Variants in SLC35F3 observed in about 807,000 individuals in gnomAD.
SLC35F3 encodes the protein solute carrier family 35 member F3.
A neutral mutation model predicts 49.9 loss-of-function variants in SLC35F3; 25 were observed. That is an observed-to-expected ratio of 0.50 (90% confidence interval 0.37 to 0.70). The LOEUF is 0.70. Ranked by LOEUF, SLC35F3 falls within the 30% of genes least tolerant of loss-of-function variation. The pLI is 0.00. For missense variants in SLC35F3, 525 were observed against 639.8 expected (o/e 0.82, Z 1.94); for synonymous variants, 275 against 265.4 (o/e 1.04, Z -0.35).
intron 2 of SLC35F3, among the ~76,000 whole-genome samples, chr1:234,163,222 G>A (rs1666257146): frequency 6.6e-6 from 1 of 152,160 alleles, no homozygotes; most frequent in African/African-American, 2.4e-5. Flanking sequence ...ATTTCCGCAA[G>A]GTACATCATA....
intron 2 of SLC35F3, among the ~76,000 whole-genome samples, chr1:234,229,733 TC>T (rs1418187421): frequency 2.6e-5 from 4 of 152,198 alleles, no homozygotes; most frequent in African/African-American, 9.7e-5. Context: ...CCTCCAACAC[TC>T]CTTGCAAATT....
chr1:233,905,226 G>A, intron 1 of SLC35F3, 96 bp downstream of exon 1: 4 of 1,364,510 alleles, frequency 2.9e-6, no homozygotes, highest in Non-Finnish European at 4.0e-6. Flanking sequence ...GCAGTCTGAG[G>A]CTCGGGGAAG....
At chr1:234,186,784 C>T (rs1235143017) in intron 2 of SLC35F3, among the ~76,000 whole-genome samples, 1 of 152,198 alleles carries the variant, frequency 6.6e-6, no homozygotes, top group African/African-American at 2.4e-5. Flanking sequence ...AACCTCACAG[C>T]AACCTGCAGG....
chr1:233,929,230 C>T (rs1662205579), intron 2 of SLC35F3, among the ~76,000 whole-genome samples: 1 of 152,134 alleles, frequency 6.6e-6, no homozygotes, highest in South Asian at 2.1e-4. Context: ...TTTGGGGCTG[C>T]CAATTCCGTT....
At chr1:233,924,093 G>C (rs1404855223) in intron 2 of SLC35F3, among the ~76,000 whole-genome samples, 1 of 152,180 alleles carries the variant, frequency 6.6e-6, no homozygotes, top group African/African-American at 2.4e-5. Flanking sequence ...AGGAATATTG[G>C]TCTAAAATTA....
intron 3 of SLC35F3, among the ~76,000 whole-genome samples, chr1:234,248,468 T>C (rs1027601409): frequency 6.6e-6 from 1 of 151,732 alleles, no homozygotes; most frequent in Non-Finnish European, 1.5e-5. Context: ...GATGGGTCAG[T>C]TGGCTGGTGC....
intron 2 of SLC35F3, among the ~76,000 whole-genome samples, chr1:234,124,815 C>G (rs948379685): frequency 6.6e-6 from 1 of 152,102 alleles, no homozygotes; most frequent in Non-Finnish European, 1.5e-5. Flanking sequence ...TTTCAGGGAG[C>G]TATGAGCAAC....
chr1:234,245,716 C>T lies in SLC35F3; in HGVS notation c.608+13975C>T, dbSNP rs371886954. Among the ~76,000 whole-genome samples the T allele has an allele frequency of 4.5e-4, 69 of 152,294 alleles. 3 individuals carry two copies. In the South Asian group the frequency reaches 0.014, roughly 32 times the overall value. On this transcript the variant is annotated intron_variant, in intron 3 of 7. Coordinates refer to ENST00000366618, the MANE Select transcript of SLC35F3 (RefSeq NM_173508.4). ...TTCCTCCAATGTCTGGAAGTTGATG[C>T]TGGTTGTCATGGGCCACCTAAGCTG...
At chr1:234,303,267 C>T (rs1668721328) in intron 3 of SLC35F3, among the ~76,000 whole-genome samples, 1 of 152,166 alleles carries the variant, frequency 6.6e-6, no homozygotes, top group Non-Finnish European at 1.5e-5. Flanking sequence ...TCTTGATTTC[C>T]ATGTAATGAT....
chr1:233,911,411 G>T (rs1440062326), intron 2 of SLC35F3, among the ~76,000 whole-genome samples: 4 of 152,316 alleles, frequency 2.6e-5, no homozygotes, highest in African/African-American at 7.2e-5. Flanking sequence ...AAAGAAAAGA[G>T]TTAGAGGGCT....
intron 2 of SLC35F3, among the ~76,000 whole-genome samples, chr1:233,921,819 C>T (rs1244896212): frequency 6.7e-6 from 1 of 148,610 alleles, no homozygotes; most frequent in African/African-American, 2.5e-5. Context: ...CAACAGGCCC[C>T]AGTGTGTGAT....
intron 2 of SLC35F3, among the ~76,000 whole-genome samples, chr1:234,137,946 G>C (rs1364875916): frequency 1.3e-5 from 2 of 152,198 alleles, no homozygotes; most frequent in African/African-American, 4.8e-5. Flanking sequence ...GAGTGGGGCA[G>C]AGGGTGGTGA....
intron 2 of SLC35F3, chr1:234,213,490 TG>T (rs1428841496): frequency 6.6e-6 from 1 of 152,256 alleles, no homozygotes; most frequent in Non-Finnish European, 1.5e-5. Context: ...TGCACTGTCA[TG>T]GGATAAATGC....
chr1:234,082,359 A>T lies in SLC35F3; in HGVS notation c.284-149058A>T, dbSNP rs141209947. On this transcript the variant is annotated intron_variant, in intron 2 of 7. Transcript: ENST00000366618. ...TGCATTATTTGATTTCACAAATTCA[A>T]TTCGCTGCCTGCCTGAAGCTAACTG... 3.3e-4 allele frequency among the ~76,000 whole-genome samples: 50 copies of T among 152,336 alleles called. No individual in the cohort carries two copies. The East Asian group carries it at 9.5e-3, about 29-fold the overall frequency.
At position 234,121,437 on chromosome 1, in the gene SLC35F3, C is replaced by T. The variant is rs569091936; in HGVS notation, c.284-109980C>T. Among the ~76,000 whole-genome samples the T allele has an allele frequency of 1.9e-4, 29 of 151,544 alleles. No individual in the cohort carries two copies. The East Asian group carries it at 2.1e-3, about 11-fold the overall frequency. On this transcript the variant is annotated intron_variant, in intron 2 of 7. Coordinates refer to ENST00000366618, the MANE Select transcript of SLC35F3 (RefSeq NM_173508.4). ...ACAGGCATGAGCCACCACGCCCAGC[C>T]GAAAAATTACTTTCTTAATGCAGAG...
At position 234,231,497 on chromosome 1, in the gene SLC35F3, C is replaced by T. The variant is rs780024830; in HGVS notation, c.364C>T (p.Arg122Cys). Residue 122 changes from arginine (R) to cysteine (C), a missense_variant, in exon 3 of 8, where the codon CGC becomes TGC. Around this residue, in one of 4 missense-constraint regions of SLC35F3, gnomAD observed 228 missense variants for 218.9 expected, o/e 1.04. Transcript: ENST00000366618. The surrounding 1 kb of genome is among the most constrained non-coding windows in gnomAD (Gnocchi z 5.4). ...AGVEAGGRASRRCWTCSRAQL... is the reference protein window; with the variant it reads ...AGVEAGGRASCRCWTCSRAQL... ...GGTGGAGGCCGGCGGGAGAGCGAGT[C>T]GCCGCTGCTGGACGTGCTCCCGGGC... The T allele has an allele frequency of 2.5e-6, 4 of 1,612,948 alleles. No individual in the cohort carries two copies. Among genetic ancestry groups the T allele is most frequent in the Non-Finnish European group, 3.4e-6 (4 of 1,179,508 alleles).
intron 5 of SLC35F3, 101 bp from the exon 6 acceptor site, chr1:234,318,650 G>A (rs2102998283): frequency 1.0e-6 from 1 of 998,760 alleles, no homozygotes; most frequent in East Asian, 2.5e-5. Flanking sequence ...TTTCCATCCT[G>A]CAGTGCAAAC....
rs1488681231 is a variant in SLC35F3 at position 234,277,967 on chromosome 1, G to T, written c.609-31134G>T. ...TCAGTTGTTTGGGAAGCTGAGGAGG[G>T]AAGATGGCTTAAGCCAAGGAGTATA... On this transcript the variant is annotated intron_variant, in intron 3 of 7. Transcript: ENST00000366618. Among the ~76,000 whole-genome samples the T allele has an allele frequency of 2.0e-5, 3 of 152,214 alleles. No homozygotes were observed. In the South Asian group the frequency reaches 6.2e-4, roughly 32 times the overall value.
intron 3 of SLC35F3, chr1:234,274,480 A>G (rs1668164734): frequency 6.6e-6 from 1 of 152,278 alleles, no homozygotes; most frequent in Admixed American, 6.5e-5. Flanking sequence ...CATTACAAAG[A>G]AACTCGAGAA....
Sources: gnomAD v4.1 joint callset for allele counts (sites outside exome capture counted in the v4.1 genomes callset) on GRCh38, gnomAD v4.1.1 for gene constraint, gnomAD v4.1.1 regional missense constraint, Gnocchi (gnomAD v3.1) non-coding constraint, MANE v1.5 for transcripts, NCBI Gene and HGNC (gene_info 2026-07-23, HGNC 2026-07-21) for gene names.